The following SENP1 variants were observed in gnomAD, a reference collection of about 807,000 sequenced individuals.
SENP1 encodes SUMO specific peptidase 1, also known as sentrin-specific protease 1.
SENP1 carries 21 observed loss-of-function variants against 93.0 expected under a neutral mutation model. The ratio of observed to expected loss-of-function variants is 0.23; its 90% confidence interval spans 0.16 to 0.33. The LOEUF (loss-of-function observed/expected upper bound fraction) is 0.33. Among genes scored for constraint, SENP1 ranks in the 10% least tolerant of loss-of-function variants. SENP1 has a pLI of 1.00. For missense variants in SENP1, 591 were observed against 758.7 expected (o/e 0.78, Z 2.60); for synonymous variants, 256 against 259.6 (o/e 0.99, Z 0.13).
At position 48,048,911 on chromosome 12, in the gene SENP1, A is replaced by C; in HGVS notation, c.1611+18T>G. The C allele has an allele frequency of 3.1e-6, 5 of 1,598,212 alleles. No individual in the cohort carries two copies. The highest frequency in any genetic ancestry group is 4.3e-6 in the Non-Finnish European group (5 of 1,166,914). ...TACATAGCTTTTACATTTTATCAAA[A>C]ATGAAAGGGGTACTCACAGCTAGAC... On this transcript the variant is annotated intron_variant, in intron 14 of 17. Transcript: ENST00000549518.
At chr12:48,085,469 T>C in intron 5 of SENP1, 5 of 651,916 alleles carry the variant, frequency 7.7e-6, no homozygotes, top group Non-Finnish European at 1.3e-5. Flanking sequence ...TCCCTCATTC[T>C]CAGGCCTCTC....
At chr12:48,097,727 C>T in intron 3 of SENP1, 1 of 253,784 alleles carries the variant, frequency 3.9e-6, no homozygotes, top group South Asian at 8.0e-5. Flanking sequence ...GAACACTGAT[C>T]TGCATATAAG....
intron 15 of SENP1, 40 bp from the exon 16 acceptor site, chr12:48,047,102 C>A: frequency 7.9e-7 from 1 of 1,260,162 alleles, no homozygotes; most frequent in Non-Finnish European, 1.2e-6. Flanking sequence ...CAGTGGGGAA[C>A]ATCGATGACA....
chr12:48,090,848 T>C (rs931552486), intron 4 of SENP1, among the ~76,000 whole-genome samples: 1 of 152,180 alleles, frequency 6.6e-6, no homozygotes, highest in African/African-American at 2.4e-5. Flanking sequence ...TACTTCCACC[T>C]GGGTCTCCCA....
intron 5 of SENP1, 113 bp from the exon 6 acceptor site, chr12:48,083,875 T>G (rs1348426771): frequency 1.2e-5 from 8 of 690,034 alleles, no homozygotes; most frequent in Non-Finnish European, 1.7e-5. Flanking sequence ...ACAGGTAAAA[T>G]AATAGGTTTC....
chr12:48,101,449 C>G lies in SENP1; in HGVS notation c.4+20G>C. On this transcript the variant is annotated intron_variant, in intron 2 of 17. Coordinates refer to ENST00000549518, the MANE Select transcript of SENP1 (RefSeq NM_001267594.2). The stretch of plus-strand genomic sequence containing the variant: ...ACCAATGAAAGTAGCTAAAAGGATT[C>G]AACAGCTAGTTAGTCTTACCCATTT... The G allele has an allele frequency of 6.3e-7, 1 of 1,590,370 alleles. No homozygotes were observed. Among genetic ancestry groups the G allele is most frequent in the Non-Finnish European group, 8.6e-7 (1 of 1,167,268 alleles).
At chr12:48,096,251 G>T in intron 4 of SENP1, 92 bp downstream of exon 4, 1 of 665,416 alleles carries the variant, frequency 1.5e-6, no homozygotes, top group Non-Finnish European at 2.6e-6. Context: ...TTTTGACAAT[G>T]TTTTTACTTT....
intron 3 of SENP1, 198 bp downstream of exon 3, chr12:48,097,796 C>T (rs1027185759): frequency 2.1e-6 from 1 of 468,214 alleles, no homozygotes; most frequent in Non-Finnish European, 3.8e-6. Context: ...TCAAAGAACT[C>T]ATACATAGCC....
At chr12:48,093,719 T>TTA (rs1555186611) in intron 4 of SENP1, among the ~76,000 whole-genome samples, 116 of 135,840 alleles carry the variant, frequency 8.5e-4, no homozygotes, top group African/African-American at 3.0e-3. Context: ...CAGAAAATGA[T>TTA]AAAAAAAAAA....
intron 16 of SENP1, among the ~76,000 whole-genome samples, 188 bp downstream of exon 16, chr12:48,046,790 T>C (rs1941401914): frequency 1.3e-5 from 2 of 152,038 alleles, no homozygotes. Flanking sequence ...AAAACCTAGT[T>C]CTACATAAGA....
chr12:48,061,301 G>T (rs1346426954), intron 13 of SENP1, among the ~76,000 whole-genome samples: 1 of 152,190 alleles, frequency 6.6e-6, no homozygotes, highest in Non-Finnish European at 1.5e-5. Flanking sequence ...AGAAAAAGAA[G>T]AGAAATTATT....
At chr12:48,102,396 C>CACT (rs1440007611) in intron 1 of SENP1, among the ~76,000 whole-genome samples, 4 of 98,662 alleles carry the variant, frequency 4.1e-5, no homozygotes, top group Non-Finnish European at 8.8e-5. Context: ...CATGCCACTG[C>CACT]ACTCCAGCCT....
chr12:48,044,926 G>T lies in SENP1; in HGVS notation c.*396C>A. Reference sequence around the variant, plus strand: ...GTTTTTATCCCTACCTTTTGCCCATGCCCTTTCCTACTTCTTAGTAAGGCC... The same window carrying T: ...GTTTTTATCCCTACCTTTTGCCCATTCCCTTTCCTACTTCTTAGTAAGGCC... On this transcript the variant is annotated 3_prime_UTR_variant, in exon 18 of 18. Transcript: ENST00000549518. The T allele has an allele frequency of 5.1e-6, 1 of 196,538 alleles. No individual in the cohort carries two copies. Among genetic ancestry groups the T allele is most frequent in the Non-Finnish European group, 1.1e-5 (1 of 93,612 alleles). 12.2% of individuals were successfully genotyped at this position (196,538 alleles called of 1,614,324 possible). A position where few individuals can be genotyped will look rare whatever the true frequency, so the allele number is the denominator to read the frequency against.
intron 1 of SENP1, chr12:48,105,638 T>G (rs1281657209): frequency 2.3e-6 from 1 of 431,160 alleles, no homozygotes; most frequent in Non-Finnish European, 4.5e-6. Flanking sequence ...AAAGCCGAGC[T>G]TCCCGGTGAA....
At chr12:48,060,086 C>G (rs182792790) in intron 13 of SENP1, among the ~76,000 whole-genome samples, 16 of 152,228 alleles carry the variant, frequency 1.1e-4, no homozygotes, top group African/African-American at 3.6e-4. Flanking sequence ...ACACACACAC[C>G]CCACCCTAGA....
At chr12:48,104,304 C>G (rs1197355906) in intron 1 of SENP1, among the ~76,000 whole-genome samples, 2 of 122,186 alleles carry the variant, frequency 1.6e-5, no homozygotes, top group African/African-American at 3.1e-5. Flanking sequence ...GAGAGAGAGA[C>G]GCAATGTTAG....
At chr12:48,094,130 C>A (rs1324353180) in intron 4 of SENP1, among the ~76,000 whole-genome samples, 4 of 152,036 alleles carry the variant, frequency 2.6e-5, no homozygotes, top group African/African-American at 9.7e-5. Context: ...ATCTCAGCAC[C>A]TTGGGAGGCC....
At chr12:48,054,152 T>C (rs1942039658) in intron 13 of SENP1, among the ~76,000 whole-genome samples, 1 of 152,180 alleles carries the variant, frequency 6.6e-6, no homozygotes, top group Non-Finnish European at 1.5e-5. Context: ...TCGATCTACC[T>C]GTTCCAGTCT....
chr12:48,067,031 C>A, intron 9 of SENP1, 66 bp from the exon 10 acceptor site: 1 of 1,061,282 alleles, frequency 9.4e-7, no homozygotes, highest in South Asian at 1.4e-5. Context: ...AAAATATTTT[C>A]ATCAATAAAA....
Sources: gnomAD v4.1 joint callset for allele counts (sites outside exome capture counted in the v4.1 genomes callset) on GRCh38, gnomAD v4.1.1 for gene constraint, MANE v1.5 for transcripts, NCBI Gene and HGNC (gene_info 2026-07-23, HGNC 2026-07-21) for gene names.